PPFIA1: variants seen among roughly 807,000 people sequenced by gnomAD.
The protein encoded by PPFIA1 is PPFI scaffold protein A1.
A neutral mutation model predicts 149.9 loss-of-function variants in PPFIA1; 25 were observed. The observed-to-expected ratio is 0.17, with a 90% CI of 0.12 to 0.23. PPFIA1 has a LOEUF of 0.23. PPFIA1 is among the 10% of genes least tolerant of loss of function. The probability of loss-of-function intolerance (pLI) is 1.00; values close to 1 mark genes in which losing one functional copy is unlikely to be tolerated. For missense variants in PPFIA1, 1,362 were observed against 1,506.5 expected (o/e 0.90, Z 1.59); for synonymous variants, 549 against 552.8 (o/e 0.99, Z 0.10).
intron 21 of PPFIA1, among the ~76,000 whole-genome samples, chr11:70,366,470 C>A (rs2056944681): frequency 6.6e-6 from 1 of 152,336 alleles, no homozygotes; most frequent in Non-Finnish European, 1.5e-5. Context: ...AGGAATTAAG[C>A]CTCTTCTTGA....
In PPFIA1 at chr11:70,340,136, T is replaced by TA. The variant is rs564811432; in HGVS notation, c.1707+844dup. Among the ~76,000 whole-genome samples, 786 of 138,658 alleles carry TA rather than the reference T, an allele frequency of 5.7e-3. 6 individuals are homozygous for TA. The highest frequency in any genetic ancestry group is 0.022 in the South Asian group (96 of 4,350). The allele number at this position is 138,658 out of a possible 152,430, so 91.0% of individuals were successfully genotyped here. On this transcript the variant is annotated intron_variant, in intron 14 of 27. Coordinates refer to ENST00000253925, the MANE Select transcript of PPFIA1 (RefSeq NM_003626.5). ...AACACAGGGAGACCCCTGTCTCTAT[T>TA]AAAAAAAAAAAAAAGAAAAAATTAG...
intron 2 of PPFIA1, among the ~76,000 whole-genome samples, chr11:70,280,606 G>C (rs1023601072): frequency 6.6e-6 from 1 of 152,154 alleles, no homozygotes; most frequent in Non-Finnish European, 1.5e-5. Context: ...TGTTGTTGCC[G>C]AGGCTGCAGT....
intron 2 of PPFIA1, among the ~76,000 whole-genome samples, chr11:70,312,624 C>T (rs892246032): frequency 1.3e-5 from 2 of 152,202 alleles, no homozygotes; most frequent in Admixed American, 6.5e-5. Context: ...CTGTACTTCC[C>T]GTCTTGCCTG....
intron 2 of PPFIA1, among the ~76,000 whole-genome samples, chr11:70,308,222 AT>A (rs1337876459): frequency 1.3e-5 from 2 of 152,204 alleles, no homozygotes; most frequent in East Asian, 3.9e-4. Context: ...CTAATTTTGT[AT>A]TTTTAGCAGA....
intron 14 of PPFIA1, among the ~76,000 whole-genome samples, chr11:70,339,626 GTT>G (rs11323721): frequency 1.4e-3 from 198 of 142,530 alleles, no homozygotes; most frequent in African/African-American, 4.3e-3. Flanking sequence ...GGCCTCTGTA[GTT>G]TTTTTTTTTT....
chr11:70,292,084 A>G (rs1209802556), intron 2 of PPFIA1, among the ~76,000 whole-genome samples: 2 of 151,624 alleles, frequency 1.3e-5, no homozygotes, highest in East Asian at 3.9e-4. Flanking sequence ...TGATCCACCC[A>G]CCTCTGCCTC....
chr11:70,374,242 C>CTGT (rs1040612864), intron 23 of PPFIA1: 9 of 152,426 alleles, frequency 5.9e-5, no homozygotes, highest in African/African-American at 1.9e-4. Flanking sequence ...TGACACACGC[C>CTGT]TGTAGTTCCA....
chr11:70,314,536 A>G (rs952392658), intron 2 of PPFIA1, among the ~76,000 whole-genome samples: 2 of 152,150 alleles, frequency 1.3e-5, no homozygotes, highest in Admixed American at 1.3e-4. Flanking sequence ...CTTACTTCCA[A>G]CTCTCATTCC....
chr11:70,288,967 GTTT>G (rs34756873), intron 2 of PPFIA1, among the ~76,000 whole-genome samples: 3 of 124,126 alleles, frequency 2.4e-5, no homozygotes, highest in Non-Finnish European at 3.4e-5. Flanking sequence ...GCATCTGGTT[GTTT>G]TTTTTTTTTT....
chr11:70,300,146 A>G (rs2052382789), intron 2 of PPFIA1, among the ~76,000 whole-genome samples: 1 of 149,076 alleles, frequency 6.7e-6, no homozygotes, highest in Non-Finnish European at 1.5e-5. Flanking sequence ...ACTGCCAGCC[A>G]TGCCCTCTGC....
intron 21 of PPFIA1, chr11:70,367,745 T>C: frequency 2.7e-6 from 1 of 372,932 alleles, no homozygotes; most frequent in Non-Finnish European, 5.3e-6. Flanking sequence ...TCTGCTTCCA[T>C]GCAGTTTTCT....
At chr11:70,276,677 A>T (rs2050396406) in intron 2 of PPFIA1, among the ~76,000 whole-genome samples, 1 of 152,086 alleles carries the variant, frequency 6.6e-6, no homozygotes. Flanking sequence ...GAGAAGGAAA[A>T]ATTTTAGAAT....
intron 14 of PPFIA1, among the ~76,000 whole-genome samples, chr11:70,341,527 A>G (rs1202864893): frequency 6.6e-6 from 1 of 152,192 alleles, no homozygotes; most frequent in Non-Finnish European, 1.5e-5. Flanking sequence ...GGCCATGTTC[A>G]GGTTGATGGG....
intron 9 of PPFIA1, among the ~76,000 whole-genome samples, chr11:70,332,544 T>C (rs1020785033): frequency 6.6e-6 from 1 of 152,182 alleles, no homozygotes; most frequent in Non-Finnish European, 1.5e-5. Context: ...ATATTTATTA[T>C]TTTGAAATTA....
chr11:70,383,683 G>A lies in PPFIA1; in HGVS notation c.*693G>A, dbSNP rs900727287. 6.5e-6 allele frequency: 1 copy of A among 153,002 alleles called. No individual in the cohort carries two copies. The highest frequency in any genetic ancestry group is 2.4e-5 in the African/African-American group (1 of 41,464). 9.5% of individuals were successfully genotyped at this position (153,002 alleles called of 1,614,324 possible). A position where few individuals can be genotyped will look rare whatever the true frequency, so the allele number is the denominator to read the frequency against. On this transcript the variant is annotated 3_prime_UTR_variant, in exon 28 of 28. Coordinates refer to ENST00000253925, the MANE Select transcript of PPFIA1 (RefSeq NM_003626.5). ...ATCACAACACTATGAGAAGCCCCTA[G>A]CACTGGTTAACGCTTTCCTAGCCTA...
chr11:70,272,822 A>G (rs946477739), intron 2 of PPFIA1, among the ~76,000 whole-genome samples: 1 of 152,168 alleles, frequency 6.6e-6, no homozygotes, highest in Non-Finnish European at 1.5e-5. Context: ...CTAATTTCCT[A>G]ATGTAATTTA....
rs1323696339 is a variant in PPFIA1, at chr11:70,383,685, A to G, written c.*695A>G. 6.5e-6 allele frequency: 1 copy of G among 153,066 alleles called. No homozygotes were observed. The highest frequency in any genetic ancestry group is 1.5e-5 in the Non-Finnish European group (1 of 68,724). The allele number at this position is 153,066 out of a possible 1,614,324, so 9.5% of individuals were successfully genotyped here. A position where few individuals can be genotyped will look rare whatever the true frequency, so the allele number is the denominator to read the frequency against. On this transcript the variant is annotated 3_prime_UTR_variant, in exon 28 of 28. Coordinates refer to ENST00000253925, the MANE Select transcript of PPFIA1 (RefSeq NM_003626.5). ...CACAACACTATGAGAAGCCCCTAGCACTGGTTAACGCTTTCCTAGCCTAGT... is the reference window on the plus strand; with the variant it reads ...CACAACACTATGAGAAGCCCCTAGCGCTGGTTAACGCTTTCCTAGCCTAGT...
At chr11:70,363,041 A>G (rs1320337529) in intron 21 of PPFIA1, 1 of 152,452 alleles carries the variant, frequency 6.6e-6, no homozygotes, top group African/African-American at 2.4e-5. Flanking sequence ...TCATGATTCA[A>G]ACTGAGTAAT....
intron 15 of PPFIA1, among the ~76,000 whole-genome samples, chr11:70,346,196 G>C (rs1030108984): frequency 2.0e-4 from 31 of 152,200 alleles, no homozygotes; most frequent in African/African-American, 7.0e-4. Flanking sequence ...AGTGTGACCA[G>C]GGGGTGCCTG....
Sources: allele counts gnomAD v4.1 joint callset (sites outside exome capture counted in the v4.1 genomes callset), GRCh38; gene constraint gnomAD v4.1.1; transcripts MANE v1.5; gene names NCBI Gene and HGNC (gene_info 2026-07-23, HGNC 2026-07-21).